The following NOP14 variants were observed in gnomAD, a reference collection of about 807,000 sequenced individuals.
NOP14 encodes NOP14 nucleolar protein, also known as nucleolar protein 14.
Under a neutral mutation model 101.6 loss-of-function variants are expected in NOP14, and 57 were observed. That is an observed-to-expected ratio of 0.56 (90% CI 0.45 to 0.70). The LOEUF (loss-of-function observed/expected upper bound fraction) is 0.70. NOP14 is among the 30% of genes least tolerant of loss of function. The pLI, the probability that NOP14 is intolerant of heterozygous loss-of-function variation, is 0.00. For synonymous variants in NOP14, 428 were observed against 424.0 expected, an observed-to-expected ratio of 1.01 and a Z score of -0.12; for missense variants, 1,134 against 1,075.5, an observed-to-expected ratio of 1.05 and a Z score of -0.76.
chr4:2,954,610 G>A (rs760897581), intron 3 of NOP14, 47 bp from the exon 4 acceptor site: 12 of 1,598,332 alleles, frequency 7.5e-6, no homozygotes, highest in East Asian at 2.2e-5. Context: ...CAGCCCTGGC[G>A]TGGGAAGTGT....
chr4:2,938,528 C>T lies in NOP14; in HGVS notation c.*303G>A, dbSNP rs935798606. ...TCAAAAAAAAAAATTTTTTTTTAAG[C>T]GACACAGTCTTGCACTGTGGCCGAG... On this transcript the variant is annotated 3_prime_UTR_variant, in exon 18 of 18. Coordinates refer to ENST00000416614, the MANE Select transcript of NOP14 (RefSeq NM_001291978.2). 5.3e-5 allele frequency: 21 copies of T among 398,308 alleles called. No homozygotes were observed. The highest frequency in any genetic ancestry group is 1.7e-4 in the African/African-American group (8 of 48,460). The allele number at this position is 398,308 out of a possible 1,614,324, so 24.7% of individuals were successfully genotyped here. A position where few individuals can be genotyped will look rare whatever the true frequency, so the allele number is the denominator to read the frequency against.
Position 2,957,591 on chromosome 4 carries a change from A to G in NOP14, c.330+15T>C, listed in dbSNP as rs369236379. 8 of 1,613,224 alleles carry G rather than the reference A, an allele frequency of 5.0e-6. No individual in the cohort carries two copies. Among genetic ancestry groups the G allele is most frequent in the Non-Finnish European group, 6.8e-6 (8 of 1,179,706 alleles). On this transcript the variant is annotated intron_variant, in intron 2 of 17. Transcript: ENST00000416614. ...AAATGTACAGCAAAAACCCTCCTCCAGTTTCTTTCCATACCTGCTGTTCCA... is the reference window on the plus strand; with the variant it reads ...AAATGTACAGCAAAAACCCTCCTCCGGTTTCTTTCCATACCTGCTGTTCCA...
At chr4:2,961,336 T>C (rs920932673) in intron 1 of NOP14, 10 of 22,848 alleles carry the variant, frequency 4.4e-4, no homozygotes, top group African/African-American at 1.5e-3. Flanking sequence ...ATATAACTTA[T>C]TTTATAAATT....
At chr4:2,960,481 G>T (rs1179231510) in intron 1 of NOP14, among the ~76,000 whole-genome samples, 1 of 151,860 alleles carries the variant, frequency 6.6e-6, no homozygotes, top group Non-Finnish European at 1.5e-5. Context: ...CTACATTATT[G>T]TGATTCTCTT....
chr4:2,957,083 CCT>C, intron 2 of NOP14, among the ~76,000 whole-genome samples: 1 of 152,270 alleles, frequency 6.6e-6, no homozygotes, highest in East Asian at 1.9e-4. Context: ...CTCACTGCAA[CCT>C]CTGACTCCCT....
intron 11 of NOP14, 71 bp from the exon 12 acceptor site, chr4:2,945,300 C>T: frequency 2.6e-6 from 3 of 1,141,644 alleles, no homozygotes; most frequent in Admixed American, 4.0e-5. Context: ...CCCGCAAACA[C>T]TCCGGAGCCA....
At chr4:2,939,918 A>AG (rs1714022180) in intron 15 of NOP14, among the ~76,000 whole-genome samples, 1 of 152,172 alleles carries the variant, frequency 6.6e-6, no homozygotes, top group Middle Eastern at 3.2e-3. Context: ...CTCTGAAAGG[A>AG]GGGGACTTGG....
rs1393876804 is a variant in NOP14 at position 2,942,352 on chromosome 4, C to A, written c.1892-1G>T. 1 of 1,612,738 alleles carries A rather than the reference C, an allele frequency of 6.2e-7. No homozygotes were observed. The highest frequency in any genetic ancestry group is 1.7e-5 in the Admixed American group (1 of 60,006). On this transcript the variant is annotated splice_acceptor_variant, in intron 13 of 17. Transcript: ENST00000416614. LOFTEE classifies it high-confidence loss of function. ...CTGAAAGGGTGCACCAGAGTGGAAC[C>A]TGAATTCCAAGTGCGACAGGACAGA...
rs1372151710 is a variant in NOP14, at chr4:2,960,942, CAAT to C, written c.195+2180_195+2182del. 2.1e-4 allele frequency among the ~76,000 whole-genome samples: 9 copies of C among 43,288 alleles called. 1 individual carries two copies. Among genetic ancestry groups the C allele is most frequent in the African/African-American group, 3.1e-4 (3 of 9,756 alleles). The allele number at this position is 43,288 out of a possible 152,430, so 28.4% of individuals were successfully genotyped here. A position where few individuals can be genotyped will look rare whatever the true frequency, so the allele number is the denominator to read the frequency against. ...TATCGATATTATTTTAATATTATAT[CAAT>C]ATTATTATATTAATATTATATCAAT... On this transcript the variant is annotated intron_variant, in intron 1 of 17. Coordinates refer to ENST00000416614, the MANE Select transcript of NOP14 (RefSeq NM_001291978.2).
chr4:2,942,900 A>G (rs548549259), intron 13 of NOP14, among the ~76,000 whole-genome samples: 1 of 152,226 alleles, frequency 6.6e-6, no homozygotes, highest in East Asian at 1.9e-4. Flanking sequence ...GGGTGTGGCT[A>G]CACGGGGAGG....
At chr4:2,946,584 TTTAGA>T in intron 10 of NOP14, 37 bp from the exon 11 acceptor site, 1 of 1,608,184 alleles carries the variant, frequency 6.2e-7, no homozygotes. Context: ...AGAGAATGAC[TTTAGA>T]TAAGAAACAC....
intron 7 of NOP14, 43 bp from the exon 8 acceptor site, chr4:2,950,256 G>T: frequency 1.3e-6 from 2 of 1,594,542 alleles, no homozygotes; most frequent in Admixed American, 1.7e-5. Flanking sequence ...GACAGGCGGA[G>T]ACAACGCTGG....
At chr4:2,960,100 G>A (rs6836526) in intron 1 of NOP14, among the ~76,000 whole-genome samples, 3,527 of 152,168 alleles carry the variant, frequency 0.023, 109 homozygotes, top group African/African-American at 0.077. Context: ...CTCCCCAGTA[G>A]CTGGGATTAC....
chr4:2,953,426 C>T, intron 5 of NOP14, 85 bp downstream of exon 5: 3 of 1,459,040 alleles, frequency 2.1e-6, no homozygotes, highest in African/African-American at 1.4e-5. Context: ...GGTAGAAGAG[C>T]CGTCCAGCCC....
intron 6 of NOP14, 133 bp downstream of exon 6, chr4:2,952,142 A>G: frequency 2.3e-6 from 2 of 869,730 alleles, no homozygotes; most frequent in South Asian, 2.7e-5. Flanking sequence ...ATGAATAAAT[A>G]TAAACTTTAA....
intron 15 of NOP14, chr4:2,941,264 C>G: frequency 2.9e-6 from 1 of 350,472 alleles, no homozygotes; most frequent in South Asian, 3.1e-5. Flanking sequence ...CAGAGCGCGG[C>G]TCAGAGCTGA....
rs375355157 is a variant in NOP14 at position 2,953,557 on chromosome 4, T to C, written c.701A>G (p.His234Arg). Residue 234 changes from histidine to arginine, a missense_variant, in exon 5 of 18, where the codon CAC becomes CGC. Transcript: ENST00000416614. The stretch of plus-strand genomic sequence containing the variant: ...TCTGTTCTCTGACTTGGGAGTTTTG[T>C]GGGACAGGAGAGTCTGAATTTCTTT... The part of the protein sequence containing the change: ...DWKEIQTLLS[H>R]KTPKSENRDK... The C allele has an allele frequency of 4.5e-5, 73 of 1,614,254 alleles. 1 individual carries two copies. The East Asian group carries it at 6.2e-4, about 14-fold the overall frequency.
Position 2,946,446 on chromosome 4 carries a change from GT to G in NOP14, c.1600del (p.Thr534ProfsTer16). On this transcript the variant is annotated frameshift_variant, in exon 11 of 18. Transcript: ENST00000416614. LOFTEE classifies it high-confidence loss of function. ...CCCTGGCAATGCCGCCCGGCCTTTG[GT>G]CTCAATCATTTCTTCCATCTCATGC... ...AMHEMEEMIE[T>X]KGRAALPGLD... The G allele has an allele frequency of 6.2e-7, 1 of 1,614,236 alleles. No individual in the cohort carries two copies.
intron 5 of NOP14, 126 bp downstream of exon 5, chr4:2,953,385 T>C: frequency 1.1e-6 from 1 of 950,282 alleles, no homozygotes; most frequent in East Asian, 2.4e-5. Context: ...TCAGTATCAA[T>C]GTTCAACAGA....
Sources: allele counts gnomAD v4.1 joint callset (sites outside exome capture counted in the v4.1 genomes callset), GRCh38; gene constraint gnomAD v4.1.1; transcripts MANE v1.5; gene names NCBI Gene and HGNC (gene_info 2026-07-23, HGNC 2026-07-21).